SGCZ: variants seen among roughly 807,000 people sequenced by gnomAD.
SGCZ encodes sarcoglycan zeta.
Under a neutral mutation model 41.3 loss-of-function variants are expected in SGCZ, and 40 were observed. That is an observed-to-expected ratio of 0.97 (90% confidence interval 0.75 to 1.26). The LOEUF is 1.26. SGCZ is among the 50% of genes most tolerant of loss of function. The pLI, the probability that SGCZ is intolerant of heterozygous loss-of-function variation, is 0.00. For missense variants in SGCZ, 552 were observed against 369.8 expected (o/e 1.49, Z -4.04); for synonymous variants, 206 against 137.5 (o/e 1.50, Z -3.49).
At chr8:14,316,259 C>A (rs1279353521) in intron 3 of SGCZ, among the ~76,000 whole-genome samples, 1 of 151,826 alleles carries the variant, frequency 6.6e-6, no homozygotes, top group African/African-American at 2.4e-5. Flanking sequence ...TAGAACTGAG[C>A]ATATGCAATA....
intron 1 of SGCZ, among the ~76,000 whole-genome samples, chr8:15,219,138 T>C (rs368282826): frequency 6.6e-6 from 1 of 152,230 alleles, no homozygotes; most frequent in Admixed American, 6.5e-5. Flanking sequence ...TTTTACAAGA[T>C]ACTTGGCATA....
Position 14,650,231 on chromosome 8 carries a change from G to A in SGCZ, c.40-95305C>T, listed in dbSNP as rs936131540. ...GACACTACAGCCAGCAAATGGATCA[G>A]GAGTAGGAGAAAGGAAGTGAGAAGC... is the stretch of plus-strand genomic sequence containing the variant. On this transcript the variant is annotated intron_variant, in intron 1 of 7. Coordinates refer to ENST00000382080, the MANE Select transcript of SGCZ (RefSeq NM_139167.4). Among the ~76,000 whole-genome samples the A allele has an allele frequency of 2.0e-5, 3 of 152,004 alleles. No individual in the cohort carries two copies. In the East Asian group the frequency reaches 5.8e-4, roughly 29 times the overall value.
At chr8:14,200,857 G>T (rs28847673) in intron 4 of SGCZ, among the ~76,000 whole-genome samples, 13 of 152,016 alleles carry the variant, frequency 8.6e-5, no homozygotes, top group Non-Finnish European at 1.8e-4. Flanking sequence ...ATGAAGATAC[G>T]TCACAGAGCA....
At chr8:14,986,440 T>C (rs1352104085) in intron 1 of SGCZ, among the ~76,000 whole-genome samples, 3 of 152,098 alleles carry the variant, frequency 2.0e-5, no homozygotes, top group Non-Finnish European at 2.9e-5. Context: ...GTACAATAAA[T>C]AGCTTTGAGA....
chr8:14,182,949 G>A (rs1356727059), intron 4 of SGCZ, among the ~76,000 whole-genome samples: 3 of 147,548 alleles, frequency 2.0e-5, no homozygotes, highest in African/African-American at 7.6e-5. Context: ...GGCAGAGGTT[G>A]CAGTGAGCCG....
At chr8:15,214,955 T>C (rs971227620) in intron 1 of SGCZ, among the ~76,000 whole-genome samples, 2 of 152,180 alleles carry the variant, frequency 1.3e-5, no homozygotes, top group African/African-American at 2.4e-5. Flanking sequence ...TGGAGGATAC[T>C]ATGTATAACA....
intron 1 of SGCZ, among the ~76,000 whole-genome samples, chr8:15,098,258 T>C (rs528445861): frequency 3.9e-5 from 6 of 152,040 alleles, no homozygotes; most frequent in African/African-American, 4.8e-5. Flanking sequence ...AAAGGAAAAC[T>C]GAAACAAGTT....
intron 1 of SGCZ, among the ~76,000 whole-genome samples, chr8:14,974,899 C>T (rs1420858926): frequency 6.6e-6 from 1 of 150,918 alleles, no homozygotes; most frequent in Non-Finnish European, 1.5e-5. Context: ...CAGCACATCA[C>T]TCTGCCTCCA....
chr8:15,194,998 T>C (rs1426559351), intron 1 of SGCZ, among the ~76,000 whole-genome samples: 1 of 152,224 alleles, frequency 6.6e-6, no homozygotes, highest in Non-Finnish European at 1.5e-5. Flanking sequence ...GATCATTTAT[T>C]TTAGAATAAA....
chr8:14,767,184 G>C (rs1240409293), intron 1 of SGCZ, among the ~76,000 whole-genome samples: 1 of 152,108 alleles, frequency 6.6e-6, no homozygotes, highest in African/African-American at 2.4e-5. Context: ...GAAATGACAT[G>C]GCACAAGGTC....
intron 5 of SGCZ, among the ~76,000 whole-genome samples, chr8:14,110,456 G>A (rs1231694257): frequency 6.6e-6 from 1 of 152,118 alleles, no homozygotes. Context: ...TAAATTTTCA[G>A]TGAGAATTAA....
rs536430564 is a variant in SGCZ, at chr8:15,181,165, A to G, written c.39+56420T>C. 1.1e-4 allele frequency among the ~76,000 whole-genome samples: 17 copies of G among 152,334 alleles called. No homozygotes were observed. The East Asian group carries it at 3.3e-3, about 29-fold the overall frequency. On this transcript the variant is annotated intron_variant, in intron 1 of 7. Coordinates refer to ENST00000382080, the MANE Select transcript of SGCZ (RefSeq NM_139167.4). ...TATTTCAATACAAAATGCCCAAACA[A>G]TTTTTACAGGAAAAATGTTTATTAA...
chr8:14,728,345 G>GAA (rs77008940), intron 1 of SGCZ, among the ~76,000 whole-genome samples: 1 of 62,570 alleles, frequency 1.6e-5, no homozygotes, highest in African/African-American at 5.8e-5. Flanking sequence ...TCTCAAAATA[G>GAA]AAAAAAAAAA....
chr8:14,214,481 A>G (rs1385147095), intron 4 of SGCZ, among the ~76,000 whole-genome samples: 3 of 152,172 alleles, frequency 2.0e-5, no homozygotes, highest in Non-Finnish European at 4.4e-5. Flanking sequence ...ACACCAATAT[A>G]AAATGTTAAT....
At chr8:15,222,918 C>A (rs1394146064) in intron 1 of SGCZ, among the ~76,000 whole-genome samples, 22 of 152,106 alleles carry the variant, frequency 1.4e-4, no homozygotes, top group Admixed American at 1.4e-3. Flanking sequence ...TAATTGCCAA[C>A]ATTCAATTTT....
chr8:15,082,437 T>A (rs1015388821), intron 1 of SGCZ, among the ~76,000 whole-genome samples: 4 of 95,532 alleles, frequency 4.2e-5, no homozygotes, highest in African/African-American at 1.2e-4. Flanking sequence ...TGTGTGTATA[T>A]CTCTAAGTGT....
chr8:15,074,059 G>A (rs1196913204), intron 1 of SGCZ, among the ~76,000 whole-genome samples: 1 of 152,114 alleles, frequency 6.6e-6, no homozygotes, highest in Non-Finnish European at 1.5e-5. Context: ...CACGAGTAAC[G>A]ATGTTATGTG....
intron 3 of SGCZ, among the ~76,000 whole-genome samples, chr8:14,258,667 A>G (rs940923520): frequency 3.3e-5 from 5 of 152,220 alleles, no homozygotes; most frequent in Non-Finnish European, 5.9e-5. Context: ...AATAATATAC[A>G]AATTTTACTG....
At chr8:15,231,383 G>T (rs1453496398) in intron 1 of SGCZ, among the ~76,000 whole-genome samples, 1 of 151,972 alleles carries the variant, frequency 6.6e-6, no homozygotes, top group Admixed American at 6.6e-5. Context: ...TTGTTTAGGA[G>T]CCTCAAGAAA....
Sources: allele counts gnomAD v4.1 joint callset (sites outside exome capture counted in the v4.1 genomes callset), GRCh38; gene constraint gnomAD v4.1.1; transcripts MANE v1.5; gene names NCBI Gene and HGNC (gene_info 2026-07-23, HGNC 2026-07-21).